DSCAML1: variants seen among roughly 807,000 people sequenced by gnomAD.
DSCAML1 encodes cell adhesion molecule DSCAML1.
DSCAML1 carries 38 observed loss-of-function variants against 200.5 expected under a neutral mutation model. The observed-to-expected ratio is 0.19, with a 90% CI of 0.15 to 0.25. The LOEUF (loss-of-function observed/expected upper bound fraction) is 0.25. DSCAML1 is among the 10% of genes least tolerant of loss of function. The pLI, the probability that DSCAML1 is intolerant of heterozygous loss-of-function variation, is 1.00. For synonymous variants in DSCAML1, 1,215 were observed against 1,165.0 expected (o/e 1.04, Z -0.87); for missense variants, 2,223 against 2,858.8 (o/e 0.78, Z 5.07).
intron 3 of DSCAML1, among the ~76,000 whole-genome samples, chr11:117,680,269 A>G (rs923923417): frequency 6.6e-6 from 1 of 152,198 alleles, no homozygotes; most frequent in African/African-American, 2.4e-5. Flanking sequence ...CACTGGCAGT[A>G]GGAAGCAGAA....
intron 3 of DSCAML1, among the ~76,000 whole-genome samples, chr11:117,583,672 C>T (rs2051086847): frequency 2.0e-5 from 3 of 152,196 alleles, no homozygotes; most frequent in Non-Finnish European, 4.4e-5. Context: ...GCATCTGACA[C>T]GCTTGACCAG....
At chr11:117,561,270 T>G (rs992008335) in intron 3 of DSCAML1, among the ~76,000 whole-genome samples, 1 of 152,220 alleles carries the variant, frequency 6.6e-6, no homozygotes. Context: ...CAGTGAGCAC[T>G]GGACAATGAG....
chr11:117,533,896 T>C (rs2050123162), intron 3 of DSCAML1, among the ~76,000 whole-genome samples: 1 of 152,020 alleles, frequency 6.6e-6, no homozygotes, highest in African/African-American at 2.4e-5. Flanking sequence ...AACACTGGGG[T>C]CCTCTGCCTC....
intron 3 of DSCAML1, among the ~76,000 whole-genome samples, chr11:117,546,112 A>G (rs1288384217): frequency 6.6e-6 from 1 of 152,218 alleles, no homozygotes; most frequent in African/African-American, 2.4e-5. Context: ...CTGCACTGTA[A>G]AGGGGAACAG....
rs375792335 is a variant in DSCAML1, at chr11:117,718,329, C to T, written c.511+58462G>A. Among the ~76,000 whole-genome samples the T allele has an allele frequency of 6.6e-5, 10 of 152,338 alleles. No individual in the cohort carries two copies. The East Asian group carries it at 1.2e-3, about 18-fold the overall frequency. On this transcript the variant is annotated intron_variant, in intron 3 of 32. Transcript: ENST00000651296. ...CTCTCCTGGCCTCAGTGACTCCAGG[C>T]AGCTCCCAGGACCCTTCATAAGCCC...
intron 3 of DSCAML1, among the ~76,000 whole-genome samples, chr11:117,652,476 A>T (rs775883649): frequency 2.0e-5 from 3 of 152,174 alleles, no homozygotes; most frequent in Non-Finnish European, 2.9e-5. Flanking sequence ...CCCATCTGGG[A>T]CTGCAGAGAT....
intron 3 of DSCAML1, among the ~76,000 whole-genome samples, chr11:117,643,937 T>C (rs2052466671): frequency 6.6e-6 from 1 of 152,182 alleles, no homozygotes; most frequent in African/African-American, 2.4e-5. Context: ...GTGGCAGAGC[T>C]GGAACGTTCA....
intron 16 of DSCAML1, among the ~76,000 whole-genome samples, chr11:117,467,709 T>C (rs2048611993): frequency 6.6e-6 from 1 of 152,192 alleles, no homozygotes; most frequent in Non-Finnish European, 1.5e-5. Flanking sequence ...CTTGCTGCTC[T>C]GTAAGTGGAC....
At chr11:117,737,757 G>A (rs190571805) in intron 3 of DSCAML1, among the ~76,000 whole-genome samples, 3 of 152,304 alleles carry the variant, frequency 2.0e-5, no homozygotes, top group Non-Finnish European at 4.4e-5. Context: ...ATACATTCGC[G>A]GAGGGGTTTA....
intron 3 of DSCAML1, among the ~76,000 whole-genome samples, chr11:117,644,029 TCCTG>T (rs2052469320): frequency 1.3e-5 from 2 of 152,306 alleles, no homozygotes; most frequent in African/African-American, 4.8e-5. Flanking sequence ...CTGGCAGGTC[TCCTG>T]CCTGCCTTCC....
intron 18 of DSCAML1, among the ~76,000 whole-genome samples, 164 bp downstream of exon 18, chr11:117,461,286 A>G (rs1027348878): frequency 1.3e-5 from 2 of 150,848 alleles, no homozygotes; most frequent in African/African-American, 4.9e-5. Flanking sequence ...CCCGGCCCCT[A>G]TAGCCATTAT....
chr11:117,486,911 C>CTTTTTTTTTTTTTTTTTTTTTTTTTTT (rs56805170), intron 11 of DSCAML1, among the ~76,000 whole-genome samples: 1 of 79,668 alleles, frequency 1.3e-5, no homozygotes, highest in Non-Finnish European at 2.3e-5. Flanking sequence ...TGTAAAATAC[C>CTTTTTTTTTTTTTTTTTTTTTTTTTTT]TTTTTTTTTT....
chr11:117,520,624 AT>A (rs1481643185), intron 6 of DSCAML1, among the ~76,000 whole-genome samples: 2 of 151,858 alleles, frequency 1.3e-5, no homozygotes, highest in Non-Finnish European at 2.9e-5. Flanking sequence ...GGGTAACATC[AT>A]TAAAAAAAAA....
intron 3 of DSCAML1, among the ~76,000 whole-genome samples, chr11:117,623,459 A>G (rs1354853544): frequency 6.6e-6 from 1 of 151,992 alleles, no homozygotes; most frequent in African/African-American, 2.4e-5. Flanking sequence ...TAAGTGATCC[A>G]TCCGCCTCGG....
chr11:117,757,571 T>TACAC (rs1491093522), intron 3 of DSCAML1, among the ~76,000 whole-genome samples: 3 of 83,530 alleles, frequency 3.6e-5, no homozygotes, highest in Non-Finnish European at 4.5e-5. Context: ...ATTAGGAGCC[T>TACAC]ATACACACAC....
intron 2 of DSCAML1, among the ~76,000 whole-genome samples, chr11:117,778,818 T>C (rs898004396): frequency 6.6e-6 from 1 of 152,172 alleles, no homozygotes; most frequent in Non-Finnish European, 1.5e-5. Flanking sequence ...GCCTCAGGGC[T>C]CCCAGCCCAG....
chr11:117,774,306 C>T (rs996563220), intron 3 of DSCAML1, among the ~76,000 whole-genome samples: 4 of 152,182 alleles, frequency 2.6e-5, no homozygotes, highest in Admixed American at 6.5e-5. Context: ...GAACTGCAGT[C>T]GTGTGGGGAA....
At chr11:117,759,755 A>G (rs1194856155) in intron 3 of DSCAML1, among the ~76,000 whole-genome samples, 3 of 152,040 alleles carry the variant, frequency 2.0e-5, no homozygotes, top group Non-Finnish European at 4.4e-5. Flanking sequence ...AAGGCCTCGC[A>G]GCCCCATAAA....
chr11:117,526,794 G>A (rs1254285871), intron 4 of DSCAML1, among the ~76,000 whole-genome samples: 3 of 152,068 alleles, frequency 2.0e-5, no homozygotes, highest in Non-Finnish European at 4.4e-5. Context: ...GAGATTACAG[G>A]CATGAGCCAC....
Sources: gnomAD v4.1 joint callset for allele counts (sites outside exome capture counted in the v4.1 genomes callset) on GRCh38, gnomAD v4.1.1 for gene constraint, MANE v1.5 for transcripts, NCBI Gene and HGNC (gene_info 2026-07-23, HGNC 2026-07-21) for gene names.